The following TEAD4 variants were observed in gnomAD, a reference collection of about 807,000 sequenced individuals.
The protein encoded by TEAD4 is TEA domain transcription factor 4, also known as transcriptional enhancer factor TEF-3.
Under a neutral mutation model 52.4 loss-of-function variants are expected in TEAD4, and 36 were observed. That is an observed-to-expected ratio of 0.69 (90% CI 0.53 to 0.91). The LOEUF (loss-of-function observed/expected upper bound fraction) is 0.91, where lower values mean the gene tolerates loss of function less well. Among genes scored for constraint, TEAD4 ranks in the 40% least tolerant of loss-of-function variants. The pLI is 0.00. For synonymous variants in TEAD4, 220 were observed against 231.0 expected (o/e 0.95, Z 0.43); for missense variants, 508 against 583.9 (o/e 0.87, Z 1.34).
chr12:3,008,429 C>T (rs1219599415), intron 3 of TEAD4, among the ~76,000 whole-genome samples: 1 of 152,164 alleles, frequency 6.6e-6, no homozygotes, highest in Non-Finnish European at 1.5e-5. Flanking sequence ...TGGCCAGATC[C>T]TGCAGGGGTT....
intron 3 of TEAD4, among the ~76,000 whole-genome samples, chr12:3,001,278 GT>G (rs1445695770): frequency 6.6e-6 from 1 of 152,212 alleles, no homozygotes; most frequent in Non-Finnish European, 1.5e-5. Context: ...CCATTTTTAT[GT>G]GTACAGGTCA....
chr12:2,967,207 A>G (rs2098221159), intron 2 of TEAD4, among the ~76,000 whole-genome samples: 1 of 85,516 alleles, frequency 1.2e-5, no homozygotes, highest in African/African-American at 2.5e-5. Flanking sequence ...ATGATACATA[A>G]TACTATAATT....
In TEAD4 at chr12:3,017,292, T is replaced by C. The variant is rs113371898; in HGVS notation, c.355-106T>C. 1,230 of 1,478,032 alleles carry C rather than the reference T, an allele frequency of 8.3e-4. 7 individuals carry two copies. In the African/African-American group the frequency reaches 0.016, roughly 19 times the overall value. 91.6% of individuals were successfully genotyped at this position (1,478,032 alleles called of 1,614,324 possible). The stretch of plus-strand genomic sequence containing the variant: ...GACTTAACGCCTGGTCCCCCAGCTC[T>C]GGCCACTGGCAGCGAGACAGCTTCC... On this transcript the variant is annotated intron_variant, in intron 5 of 12. Coordinates refer to ENST00000359864, the MANE Select transcript of TEAD4 (RefSeq NM_003213.4).
At chr12:3,012,396 G>A (rs1288381566) in intron 5 of TEAD4, among the ~76,000 whole-genome samples, 164 bp downstream of exon 5, 1 of 152,184 alleles carries the variant, frequency 6.6e-6, no homozygotes, top group Non-Finnish European at 1.5e-5. Context: ...ATCCGCACAA[G>A]AGGGCCAAGT....
At chr12:3,005,133 A>G (rs2098254818) in intron 3 of TEAD4, among the ~76,000 whole-genome samples, 1 of 152,238 alleles carries the variant, frequency 6.6e-6, no homozygotes, top group South Asian at 2.1e-4. Context: ...ACAAATGCCG[A>G]GAGGGCTCAC....
At position 2,990,461 on chromosome 12, in the gene TEAD4, C is replaced by CTTTTTTTTTTTTTTTT. The variant is rs71057876; in HGVS notation, c.-29-4265_-29-4250dup. ...TAGAATTTAGGCTAAGACAGATAAT[C>CTTTTTTTTTTTTTTTT]TTTTTTTTTTTTTTTTTTTTTTTTT... On this transcript the variant is annotated intron_variant, in intron 2 of 12. Coordinates refer to ENST00000359864, the MANE Select transcript of TEAD4 (RefSeq NM_003213.4). 4.6e-4 allele frequency among the ~76,000 whole-genome samples: 31 copies of CTTTTTTTTTTTTTTTT among 67,040 alleles called. 8 individuals are homozygous for CTTTTTTTTTTTTTTTT. Among genetic ancestry groups the CTTTTTTTTTTTTTTTT allele is most frequent in the African/African-American group, 1.8e-3 (31 of 17,020 alleles). The allele number at this position is 67,040 out of a possible 152,430, so 44.0% of individuals were successfully genotyped here. A position where few individuals can be genotyped will look rare whatever the true frequency, so the allele number is the denominator to read the frequency against.
chr12:3,005,615 G>T (rs34449297), intron 3 of TEAD4, among the ~76,000 whole-genome samples: 6,178 of 152,096 alleles, frequency 0.041, 182 homozygotes, highest in Non-Finnish European at 0.062. Context: ...TCCTGCCTCA[G>T]CCTCCCGAGT....
rs2098277866 is a variant in TEAD4, at chr12:3,034,222, A to G, written c.898-3746A>G. On this transcript the variant is annotated intron_variant, in intron 10 of 12. Coordinates refer to ENST00000359864, the MANE Select transcript of TEAD4 (RefSeq NM_003213.4). ...GGGAAGAGCCAGGGAGTGGGAGCTGATGACAGAAGAGTGTATCTGAGATGG... is the reference window on the plus strand; with the variant it reads ...GGGAAGAGCCAGGGAGTGGGAGCTGGTGACAGAAGAGTGTATCTGAGATGG... 2.7e-5 allele frequency among the ~76,000 whole-genome samples: 4 copies of G among 146,770 alleles called. 1 individual carries two copies. Among genetic ancestry groups the G allele is most frequent in the Admixed American group, 2.7e-4 (4 of 15,014 alleles).
chr12:2,968,949 C>G (rs1428683492), intron 2 of TEAD4, among the ~76,000 whole-genome samples: 2 of 152,308 alleles, frequency 1.3e-5, no homozygotes, highest in East Asian at 3.9e-4. Context: ...AGCCACTGTG[C>G]TGGGCCTGTG....
At chr12:3,037,254 A>G (rs2098279971) in intron 10 of TEAD4, among the ~76,000 whole-genome samples, 1 of 152,156 alleles carries the variant, frequency 6.6e-6, no homozygotes, top group South Asian at 2.1e-4. Flanking sequence ...CGGTGAAGTG[A>G]CTTGACTTCT....
At chr12:3,018,787 G>A (rs969486050) in intron 7 of TEAD4, among the ~76,000 whole-genome samples, 199 bp downstream of exon 7, 1 of 152,140 alleles carries the variant, frequency 6.6e-6, no homozygotes, top group Non-Finnish European at 1.5e-5. Flanking sequence ...CTACACCCTA[G>A]GGTGGTATTT....
intron 2 of TEAD4, among the ~76,000 whole-genome samples, chr12:2,962,635 G>A (rs545786259): frequency 6.6e-6 from 1 of 151,934 alleles, no homozygotes; most frequent in Admixed American, 6.6e-5. Flanking sequence ...ACTCCCAGCC[G>A]TTTTTTGTAT....
chr12:3,022,040 T>A (rs3741952), intron 10 of TEAD4, 23 bp downstream of exon 10: 1 of 1,612,110 alleles, frequency 6.2e-7, no homozygotes, highest in Non-Finnish European at 8.5e-7. Context: ...TAACCCCTTC[T>A]TTCCTGCCAC....
At chr12:2,975,915 A>G (rs2098229276) in intron 2 of TEAD4, among the ~76,000 whole-genome samples, 2 of 151,952 alleles carry the variant, frequency 1.3e-5, no homozygotes, top group South Asian at 2.1e-4. Context: ...AGAATGTCAT[A>G]TGGTTGGAAT....
intron 3 of TEAD4, among the ~76,000 whole-genome samples, chr12:3,004,273 G>C (rs2098254083): frequency 6.6e-6 from 1 of 152,208 alleles, no homozygotes; most frequent in Non-Finnish European, 1.5e-5. Flanking sequence ...GCATATCCTG[G>C]GGGGAAATAG....
At chr12:2,983,029 C>T (rs1282192385) in intron 2 of TEAD4, among the ~76,000 whole-genome samples, 1 of 152,108 alleles carries the variant, frequency 6.6e-6, no homozygotes, top group Non-Finnish European at 1.5e-5. Context: ...GAGGTGGCGG[C>T]CCTCCTTTCC....
chr12:2,999,749 C>A (rs990165045), intron 3 of TEAD4, among the ~76,000 whole-genome samples: 1 of 152,200 alleles, frequency 6.6e-6, no homozygotes, highest in Admixed American at 6.5e-5. Flanking sequence ...CCTAGCCTAG[C>A]GTGCAGGTGG....
chr12:2,974,151 G>A (rs1471504994), intron 2 of TEAD4, among the ~76,000 whole-genome samples: 1 of 152,136 alleles, frequency 6.6e-6, no homozygotes, highest in East Asian at 1.9e-4. Flanking sequence ...ACAGGCTTGA[G>A]CCACCACGCC....
At chr12:3,038,560 CCTTCCCTGAT>C (rs2098280777) in intron 11 of TEAD4, among the ~76,000 whole-genome samples, 2 of 152,334 alleles carry the variant, frequency 1.3e-5, no homozygotes, top group South Asian at 4.1e-4. Context: ...TAAAACTGTT[CCTTCCCTGAT>C]TTTCTGCTTA....
Sources: gnomAD v4.1 joint callset for allele counts (sites outside exome capture counted in the v4.1 genomes callset) on GRCh38, gnomAD v4.1.1 for gene constraint, MANE v1.5 for transcripts, NCBI Gene and HGNC (gene_info 2026-07-23, HGNC 2026-07-21) for gene names.